Variants in TMEM74 observed in about 807,000 individuals in gnomAD.
TMEM74 encodes the protein transmembrane protein 74.
TMEM74 carries 13 observed loss-of-function variants against 18.1 expected under a neutral mutation model. That is an observed-to-expected ratio of 0.72 (90% CI 0.47 to 1.14). TMEM74 has a LOEUF of 1.14. Ranked by LOEUF, TMEM74 falls within the 50% of genes most tolerant of loss-of-function variation. The probability of loss-of-function intolerance (pLI) is 0.00; values close to 1 mark genes in which losing one functional copy is unlikely to be tolerated. For synonymous variants in TMEM74, 159 were observed against 146.6 expected, an observed-to-expected ratio of 1.08 and a Z score of -0.61; for missense variants, 372 against 375.9, an observed-to-expected ratio of 0.99 and a Z score of 0.09.
chr8:108,744,548 C>T (rs898726497), intron 1 of TMEM74, among the ~76,000 whole-genome samples: 1 of 152,082 alleles, frequency 6.6e-6, no homozygotes, highest in Admixed American at 6.6e-5. Flanking sequence ...CACATTAGTG[C>T]ATAGTAAATC....
chr8:108,742,249 G>A (rs1402273192), intron 1 of TMEM74, among the ~76,000 whole-genome samples: 1 of 152,072 alleles, frequency 6.6e-6, no homozygotes, highest in Non-Finnish European at 1.5e-5. Context: ...TGTGACATGA[G>A]TTTACTTATA....
chr8:108,703,644 T>C (rs999635029), intron 1 of TMEM74, among the ~76,000 whole-genome samples: 1 of 152,250 alleles, frequency 6.6e-6, no homozygotes, highest in Non-Finnish European at 1.5e-5. Context: ...TGCCTGTGGC[T>C]AGCCCTGAGG....
intron 1 of TMEM74, among the ~76,000 whole-genome samples, chr8:108,748,953 G>T (rs112486599): frequency 0.018 from 2,712 of 152,120 alleles, 90 homozygotes; most frequent in African/African-American, 0.062. Flanking sequence ...ACTGGGCTGT[G>T]TGTCTGTTCT....
At chr8:108,763,099 T>C (rs1260715177) in intron 1 of TMEM74, among the ~76,000 whole-genome samples, 1 of 152,176 alleles carries the variant, frequency 6.6e-6, no homozygotes, top group Non-Finnish European at 1.5e-5. Flanking sequence ...TATGTTCATC[T>C]AATCCATATT....
intron 1 of TMEM74, among the ~76,000 whole-genome samples, chr8:108,765,023 C>A (rs73311981): frequency 6.6e-6 from 1 of 152,054 alleles, no homozygotes; most frequent in Non-Finnish European, 1.5e-5. Context: ...CTTCCCCTTC[C>A]GTTTTCAGCC....
chr8:108,722,667 G>A (rs1022309463), intron 1 of TMEM74, among the ~76,000 whole-genome samples: 1 of 152,120 alleles, frequency 6.6e-6, no homozygotes, highest in African/African-American at 2.4e-5. Flanking sequence ...TAAAATGCCT[G>A]TATAGTACCT....
intron 1 of TMEM74, among the ~76,000 whole-genome samples, chr8:108,717,998 A>G (rs3019355): frequency 0.99 from 74,182 of 74,674 alleles, 36,846 homozygotes; most frequent in Middle Eastern, 1. Flanking sequence ...TCGCTCTGTC[A>G]CCCAGGCTGG....
intron 1 of TMEM74, among the ~76,000 whole-genome samples, chr8:108,684,280 T>C (rs558514383): frequency 0.01 from 1,544 of 152,266 alleles, 17 homozygotes; most frequent in Non-Finnish European, 0.017. Context: ...TTTTTGTTTT[T>C]CTGATAATAG....
intron 1 of TMEM74, among the ~76,000 whole-genome samples, chr8:108,722,753 A>T (rs556287152): frequency 2.3e-4 from 35 of 150,814 alleles, no homozygotes; most frequent in Admixed American, 7.2e-4. Context: ...TTTTTTTTTT[A>T]AAAGGGGATG....
intron 1 of TMEM74, among the ~76,000 whole-genome samples, chr8:108,767,849 A>G (rs1268337444): frequency 6.6e-6 from 1 of 152,152 alleles, no homozygotes; most frequent in Non-Finnish European, 1.5e-5. Flanking sequence ...CAGATGAGGT[A>G]TAAATATAGT....
intron 1 of TMEM74, among the ~76,000 whole-genome samples, chr8:108,693,052 T>C (rs891533680): frequency 1.3e-5 from 2 of 152,096 alleles, no homozygotes; most frequent in Admixed American, 6.6e-5. Flanking sequence ...ACTTGGATGA[T>C]GAAATGAGGC....
intron 1 of TMEM74, among the ~76,000 whole-genome samples, chr8:108,710,435 A>G (rs370041584): frequency 6.6e-6 from 1 of 152,048 alleles, no homozygotes; most frequent in East Asian, 1.9e-4. Flanking sequence ...GTATCTTTAA[A>G]CCCATTTTCT....
chr8:108,777,020 T>C (rs535078858), downstream of TMEM74, among the ~76,000 whole-genome samples: 1 of 152,324 alleles, frequency 6.6e-6, no homozygotes, highest in South Asian at 2.1e-4. Flanking sequence ...TAATGGTAGC[T>C]GTTATGATGG....
intron 2 of TMEM74, among the ~76,000 whole-genome samples, chr8:108,613,097 T>G (rs1812348895): frequency 6.6e-6 from 1 of 152,226 alleles, no homozygotes; most frequent in Non-Finnish European, 1.5e-5. Context: ...CATATTCAAA[T>G]GGACAATTTG....
At chr8:108,673,577 G>C (rs1311963636) in intron 1 of TMEM74, among the ~76,000 whole-genome samples, 3 of 152,196 alleles carry the variant, frequency 2.0e-5, no homozygotes, top group Non-Finnish European at 4.4e-5. Context: ...CTGAGGGAGA[G>C]AGCCAAGAAA....
intron 1 of TMEM74, among the ~76,000 whole-genome samples, chr8:108,708,509 C>T (rs1016129783): frequency 2.6e-5 from 4 of 151,986 alleles, no homozygotes; most frequent in Non-Finnish European, 4.4e-5. Context: ...CCCTTTTCTC[C>T]GCAGCCTCAC....
chr8:108,717,636 T>C (rs1486540783), intron 1 of TMEM74, among the ~76,000 whole-genome samples: 1 of 152,080 alleles, frequency 6.6e-6, no homozygotes, highest in Non-Finnish European at 1.5e-5. Flanking sequence ...ACAGAATGAT[T>C]AAGGTGGCTT....
intron 2 of TMEM74, among the ~76,000 whole-genome samples, chr8:108,621,442 C>T (rs926697572): frequency 3.9e-5 from 6 of 152,144 alleles, no homozygotes; most frequent in Middle Eastern, 3.2e-3. Flanking sequence ...TCCCTGAAAA[C>T]GCCCTCGGGC....
chr8:108,705,023 T>C (rs984277250), intron 1 of TMEM74, among the ~76,000 whole-genome samples: 2 of 152,242 alleles, frequency 1.3e-5, no homozygotes, highest in African/African-American at 4.8e-5. Context: ...AAATTTTACA[T>C]GTCAAATCAC....
Sources: gnomAD v4.1 joint callset for allele counts (sites outside exome capture counted in the v4.1 genomes callset) on GRCh38, gnomAD v4.1.1 for gene constraint, MANE v1.5 for transcripts, NCBI Gene and HGNC (gene_info 2026-07-23, HGNC 2026-07-21) for gene names.